Variants in NEBL observed in about 807,000 individuals in gnomAD.
NEBL encodes nebulette, also known as LIM and SH3 protein 2.
Under a neutral mutation model 140.2 loss-of-function variants are expected in NEBL, and 122 were observed. The ratio of observed to expected loss-of-function variants is 0.87; its 90% confidence interval spans 0.75 to 1.01. The LOEUF (loss-of-function observed/expected upper bound fraction) is 1.01, where lower values mean the gene tolerates loss of function less well. NEBL is among the 50% of genes least tolerant of loss of function. The probability of loss-of-function intolerance (pLI) is 0.00; values close to 1 mark genes in which losing one functional copy is unlikely to be tolerated. For missense variants in NEBL, 1,365 were observed against 1,231.3 expected, an observed-to-expected ratio of 1.11 and a Z score of -1.62; for synonymous variants, 436 against 398.9, an observed-to-expected ratio of 1.09 and a Z score of -1.11.
chr10:21,101,467 C>T (rs1244761061), intron 2 of NEBL, among the ~76,000 whole-genome samples: 3 of 152,164 alleles, frequency 2.0e-5, no homozygotes, highest in East Asian at 3.8e-4. Context: ...GGAAAGTGGA[C>T]ATGATAAGAG....
intron 9 of NEBL, among the ~76,000 whole-genome samples, chr10:20,854,036 T>G (rs1842805743): frequency 6.6e-6 from 1 of 152,274 alleles, no homozygotes; most frequent in South Asian, 2.1e-4. Flanking sequence ...TCAATAACAA[T>G]TATAAATTAG....
At chr10:21,101,240 C>T (rs1417646770) in intron 2 of NEBL, among the ~76,000 whole-genome samples, 1 of 152,210 alleles carries the variant, frequency 6.6e-6, no homozygotes, top group African/African-American at 2.4e-5. Flanking sequence ...AAGGCTACAG[C>T]TTCTGTGATA....
At chr10:20,906,936 T>C (rs1455341209) in intron 4 of NEBL, among the ~76,000 whole-genome samples, 1 of 152,116 alleles carries the variant, frequency 6.6e-6, no homozygotes, top group South Asian at 2.1e-4. Flanking sequence ...CAATGAGACA[T>C]GTTATATTTT....
intron 3 of NEBL, among the ~76,000 whole-genome samples, chr10:20,982,182 T>C (rs971118731): frequency 6.6e-6 from 1 of 152,174 alleles, no homozygotes; most frequent in African/African-American, 2.4e-5. Flanking sequence ...CATTTGCATA[T>C]GGTTTAGGAA....
intron 1 of NEBL, among the ~76,000 whole-genome samples, chr10:21,291,570 T>G (rs1437120467): frequency 6.6e-6 from 1 of 150,554 alleles, no homozygotes; most frequent in Non-Finnish European, 1.5e-5. Flanking sequence ...TCCTTCCTAC[T>G]CAGCACTGGG....
intron 7 of NEBL, among the ~76,000 whole-genome samples, chr10:20,861,333 A>T (rs968078220): frequency 2.6e-5 from 4 of 152,078 alleles, no homozygotes; most frequent in Non-Finnish European, 5.9e-5. Context: ...GCTCGCCACC[A>T]CGCTCAGCTA....
At chr10:21,059,223 A>G (rs1214208771) in intron 2 of NEBL, among the ~76,000 whole-genome samples, 1 of 152,204 alleles carries the variant, frequency 6.6e-6, no homozygotes, top group East Asian at 1.9e-4. Context: ...TGTATGAATT[A>G]CAGATGTTAT....
intron 2 of NEBL, among the ~76,000 whole-genome samples, chr10:21,058,612 T>C (rs1021748780): frequency 1.3e-5 from 2 of 152,160 alleles, no homozygotes; most frequent in Non-Finnish European, 2.9e-5. Flanking sequence ...GGCATGTTTA[T>C]CAAATGCAAC....
intron 2 of NEBL, among the ~76,000 whole-genome samples, chr10:21,248,443 A>T (rs1021448093): frequency 3.9e-5 from 6 of 152,064 alleles, no homozygotes; most frequent in African/African-American, 1.4e-4. Context: ...TGTCTGGCTT[A>T]TTTCACTCAG....
At chr10:20,992,606 C>T (rs1837503869) in intron 3 of NEBL, among the ~76,000 whole-genome samples, 1 of 152,000 alleles carries the variant, frequency 6.6e-6, no homozygotes, top group Non-Finnish European at 1.5e-5. Context: ...TCACTATGCA[C>T]TTTGAGAGCC....
intron 16 of NEBL, among the ~76,000 whole-genome samples, chr10:20,829,659 G>A (rs772015508): frequency 2.3e-4 from 35 of 151,916 alleles, no homozygotes; most frequent in Middle Eastern, 3.4e-3. Context: ...TTACACCCTC[G>A]TAAGTATCCC....
At chr10:21,051,571 A>T (rs971002753) in intron 2 of NEBL, among the ~76,000 whole-genome samples, 1 of 152,238 alleles carries the variant, frequency 6.6e-6, no homozygotes, top group Non-Finnish European at 1.5e-5. Context: ...CTAAACACAA[A>T]GGAAGAAAGG....
At chr10:21,165,678 C>T (rs1180050960) in intron 2 of NEBL, among the ~76,000 whole-genome samples, 1 of 152,156 alleles carries the variant, frequency 6.6e-6, no homozygotes, top group African/African-American at 2.4e-5. Flanking sequence ...TGGGACAGAT[C>T]CCTTGGAGGA....
At chr10:20,820,280 G>T (rs775640598) in intron 19 of NEBL, among the ~76,000 whole-genome samples, 49 of 152,230 alleles carry the variant, frequency 3.2e-4, no homozygotes, top group Admixed American at 6.5e-4. Context: ...TTTCTTAGCT[G>T]GGGATCTAAC....
chr10:20,895,712 G>C (rs1448607854), intron 2 of NEBL, among the ~76,000 whole-genome samples: 1 of 152,134 alleles, frequency 6.6e-6, no homozygotes, highest in Non-Finnish European at 1.5e-5. Flanking sequence ...CACATGTCAA[G>C]TATATGGGAA....
chr10:20,948,070 G>T (rs1054318762), intron 4 of NEBL, among the ~76,000 whole-genome samples: 3 of 152,222 alleles, frequency 2.0e-5, no homozygotes, highest in African/African-American at 7.2e-5. Context: ...GGTCGCATGT[G>T]GCCCAAGGGC....
chr10:20,899,297 T>G, upstream of NEBL: 5 of 883,466 alleles, frequency 5.7e-6, no homozygotes, highest in Non-Finnish European at 6.4e-6. Context: ...CAAAACTGCC[T>G]GAGACACACC....
chr10:21,236,105 C>T (rs1842343769), intron 3 of NEBL, among the ~76,000 whole-genome samples: 1 of 152,156 alleles, frequency 6.6e-6, no homozygotes, highest in South Asian at 2.1e-4. Context: ...TTTCTTTTCA[C>T]TGTACAAGAT....
intron 4 of NEBL, among the ~76,000 whole-genome samples, chr10:20,906,423 T>G (rs1281489660): frequency 6.6e-6 from 1 of 152,132 alleles, no homozygotes; most frequent in African/African-American, 2.4e-5. Context: ...TTATGAGCCT[T>G]ATTCCAATTA....
Sources: allele counts gnomAD v4.1 joint callset (sites outside exome capture counted in the v4.1 genomes callset), GRCh38; gene constraint gnomAD v4.1.1; transcripts MANE v1.5; gene names NCBI Gene and HGNC (gene_info 2026-07-23, HGNC 2026-07-21).